Variants in CMPK1 observed in about 807,000 individuals in gnomAD.
CMPK1 encodes the protein UMP-CMP kinase.
CMPK1 carries 10 observed loss-of-function variants against 25.7 expected under a neutral mutation model. The ratio of observed to expected loss-of-function variants is 0.39; its 90% CI spans 0.24 to 0.66. CMPK1 has a LOEUF of 0.66. CMPK1 is among the 30% of genes least tolerant of loss of function. The probability of loss-of-function intolerance (pLI) is 0.48; values close to 1 mark genes in which losing one functional copy is unlikely to be tolerated. For missense variants in CMPK1, 199 were observed against 280.5 expected (o/e 0.71, Z 2.08); for synonymous variants, 106 against 101.5 (o/e 1.04, Z -0.27).
At position 47,377,402 on chromosome 1, in the gene CMPK1, C is replaced by T. The variant is rs907387568; in HGVS notation, c.*657C>T. The T allele has an allele frequency of 1.3e-4, 20 of 152,186 alleles. No individual in the cohort carries two copies. The highest frequency in any genetic ancestry group is 4.8e-4 in the African/African-American group (20 of 41,432). The allele number at this position is 152,186 out of a possible 1,614,324, so 9.4% of individuals were successfully genotyped here. A position where few individuals can be genotyped will look rare whatever the true frequency, so the allele number is the denominator to read the frequency against. On this transcript the variant is annotated 3_prime_UTR_variant, in exon 6 of 6. Transcript: ENST00000371873. The stretch of plus-strand genomic sequence containing the variant: ...GGGGTTCAGAGCCTGGCAGAATTGT[C>T]AGCTTTAGTCTGACATAATCTAAGG...
intron 1 of CMPK1, among the ~76,000 whole-genome samples, chr1:47,338,302 G>A (rs1004391942): frequency 6.6e-6 from 1 of 152,162 alleles, no homozygotes; most frequent in Non-Finnish European, 1.5e-5. Flanking sequence ...TATTGTTAGA[G>A]GGAAGCTGGT....
chr1:47,369,855 CG>C (rs1452499300), intron 2 of CMPK1, among the ~76,000 whole-genome samples: 1 of 143,786 alleles, frequency 7.0e-6, no homozygotes. Flanking sequence ...CCACCGTGCC[CG>C]GCCCCCAATT....
chr1:47,366,784 G>A (rs947422823), intron 1 of CMPK1, among the ~76,000 whole-genome samples: 2 of 152,210 alleles, frequency 1.3e-5, no homozygotes, highest in African/African-American at 4.8e-5. Context: ...GAGTGCAGTG[G>A]TGTGATCTTG....
At chr1:47,363,616 C>CTCTGTCTCAAAAAAAAAAAAAAAA (rs1264448555) in intron 1 of CMPK1, among the ~76,000 whole-genome samples, 1 of 148,062 alleles carries the variant, frequency 6.8e-6, no homozygotes, top group African/African-American at 2.5e-5. Flanking sequence ...CCAGCCTGGG[C>CTCTGTCTCAAAAAAAAAAAAAAAA]AACAGAGTGA....
chr1:47,355,421 A>C (rs1296841360), intron 1 of CMPK1, among the ~76,000 whole-genome samples: 1 of 135,648 alleles, frequency 7.4e-6, no homozygotes, highest in Non-Finnish European at 1.5e-5. Context: ...ATCTCTGCTC[A>C]CTTCTGCCTC....
At chr1:47,375,025 A>C (rs1391995225) in intron 4 of CMPK1, 40 bp downstream of exon 4, 3 of 1,482,586 alleles carry the variant, frequency 2.0e-6, no homozygotes, top group African/African-American at 2.8e-5. Context: ...TCAATCCCAG[A>C]CCTGCCTTAT....
At chr1:47,374,118 C>T (rs766202335) in intron 3 of CMPK1, among the ~76,000 whole-genome samples, 5 of 152,126 alleles carry the variant, frequency 3.3e-5, no homozygotes, top group Non-Finnish European at 7.3e-5. Flanking sequence ...GGCTGGAGTA[C>T]AGTGGCACGA....
chr1:47,355,476 A>ACCTG (rs1390549084), intron 1 of CMPK1, among the ~76,000 whole-genome samples: 3 of 148,952 alleles, frequency 2.0e-5, no homozygotes, highest in South Asian at 2.1e-4. Context: ...CACTATGCCC[A>ACCTG]GCTAATTTTT....
chr1:47,361,475 A>G (rs533507075), intron 1 of CMPK1, among the ~76,000 whole-genome samples: 12 of 152,328 alleles, frequency 7.9e-5, no homozygotes, highest in African/African-American at 2.4e-4. Context: ...GTTTGTGTGC[A>G]ACCTCTATAA....
At chr1:47,360,398 C>CT (rs1646593124) in intron 1 of CMPK1, among the ~76,000 whole-genome samples, 1 of 152,168 alleles carries the variant, frequency 6.6e-6, no homozygotes, top group South Asian at 2.1e-4. Context: ...CTATAATCCT[C>CT]TATTATCTGA....
intron 1 of CMPK1, among the ~76,000 whole-genome samples, chr1:47,359,730 T>C (rs918329274): frequency 6.6e-6 from 1 of 152,020 alleles, no homozygotes; most frequent in Admixed American, 6.6e-5. Context: ...GAGGCTGGTC[T>C]TGAACTCCTG....
chr1:47,345,317 A>G (rs566591864), intron 1 of CMPK1, among the ~76,000 whole-genome samples: 35 of 150,636 alleles, frequency 2.3e-4, no homozygotes, highest in African/African-American at 8.0e-4. Context: ...TTAGTGTCTC[A>G]GTTTTTTTTT....
chr1:47,356,626 A>G (rs1239257156), intron 1 of CMPK1, among the ~76,000 whole-genome samples: 1 of 150,432 alleles, frequency 6.6e-6, no homozygotes, highest in Non-Finnish European at 1.5e-5. Flanking sequence ...CTGAATAATT[A>G]CAGTATGAAT....
chr1:47,372,081 C>T (rs1484810548), intron 2 of CMPK1, among the ~76,000 whole-genome samples: 1 of 151,874 alleles, frequency 6.6e-6, no homozygotes, highest in South Asian at 2.1e-4. Flanking sequence ...TAGTTCACAT[C>T]CTCTTTTTTC....
At chr1:47,352,187 ATCTT>A (rs1436651017) in intron 1 of CMPK1, among the ~76,000 whole-genome samples, 3 of 152,222 alleles carry the variant, frequency 2.0e-5, no homozygotes, top group African/African-American at 7.2e-5. Flanking sequence ...TGGGTTATAT[ATCTT>A]CTTATCGAGC....
intron 4 of CMPK1, 73 bp downstream of exon 4, chr1:47,375,058 A>G: frequency 7.4e-7 from 1 of 1,352,182 alleles, no homozygotes. Context: ...TAAAAGAGTC[A>G]CATTTAAACA....
chr1:47,347,634 T>C (rs1646494564), intron 1 of CMPK1, among the ~76,000 whole-genome samples: 1 of 152,066 alleles, frequency 6.6e-6, no homozygotes, highest in East Asian at 1.9e-4. Context: ...TTTTGGTTTT[T>C]GTTGTTGTTG....
intron 1 of CMPK1, among the ~76,000 whole-genome samples, chr1:47,366,430 A>C (rs999431481): frequency 1.3e-5 from 2 of 152,212 alleles, no homozygotes; most frequent in Non-Finnish European, 2.9e-5. Context: ...AATGCTTTGA[A>C]AATATGCTCT....
intron 1 of CMPK1, among the ~76,000 whole-genome samples, chr1:47,343,945 G>A (rs1048950800): frequency 6.6e-6 from 1 of 151,842 alleles, no homozygotes; most frequent in African/African-American, 2.4e-5. Context: ...GTGCGTGCCT[G>A]TGGTCCCAGT....
Sources: allele counts gnomAD v4.1 joint callset (sites outside exome capture counted in the v4.1 genomes callset), GRCh38; gene constraint gnomAD v4.1.1; transcripts MANE v1.5; gene names NCBI Gene and HGNC (gene_info 2026-07-23, HGNC 2026-07-21).